The following KHDRBS2 variants were observed in gnomAD, a reference collection of about 807,000 sequenced individuals.
KHDRBS2 encodes the protein KH domain-containing, RNA-binding, signal transduction-associated protein 2.
A neutral mutation model predicts 44.3 loss-of-function variants in KHDRBS2; 26 were observed. The ratio of observed to expected loss-of-function variants is 0.59; its 90% CI spans 0.43 to 0.81. The LOEUF is 0.81. KHDRBS2 is among the 40% of genes least tolerant of loss of function. The pLI, the probability that KHDRBS2 is intolerant of heterozygous loss-of-function variation, is 0.00. For synonymous variants in KHDRBS2, 194 were observed against 151.1 expected, an observed-to-expected ratio of 1.28 and a Z score of -2.08; for missense variants, 476 against 433.1, an observed-to-expected ratio of 1.10 and a Z score of -0.88.
At chr6:61,782,504 A>G (rs1307771029) in intron 6 of KHDRBS2, among the ~76,000 whole-genome samples, 2 of 151,854 alleles carry the variant, frequency 1.3e-5, no homozygotes, top group Non-Finnish European at 2.9e-5. Context: ...CTAAATCTCA[A>G]TAAACGATCA....
At chr6:61,937,386 T>C (rs376583995) in intron 4 of KHDRBS2, among the ~76,000 whole-genome samples, 1 of 152,090 alleles carries the variant, frequency 6.6e-6, no homozygotes, top group African/African-American at 2.4e-5. Flanking sequence ...TTCTTGTACA[T>C]AGAAGATACT....
chr6:61,887,593 G>C (rs1193338553), intron 6 of KHDRBS2, among the ~76,000 whole-genome samples: 1 of 152,154 alleles, frequency 6.6e-6, no homozygotes, highest in African/African-American at 2.4e-5. Flanking sequence ...GCAAGGAGTG[G>C]ATTTGATTAC....
intron 4 of KHDRBS2, among the ~76,000 whole-genome samples, chr6:61,915,564 A>G (rs1417694662): frequency 6.6e-6 from 1 of 152,038 alleles, no homozygotes; most frequent in Non-Finnish European, 1.5e-5. Context: ...CCGAATGCCT[A>G]TTTATATAAT....
chr6:61,581,541 T>TACAATATACAATACACAATATACA, the KHDRBS2 span, among the ~76,000 whole-genome samples: 4 of 147,110 alleles, frequency 2.7e-5, no homozygotes, highest in Admixed American at 1.4e-4. Context: ...TAATATAATA[T>TACAATATACAATACACAATATACA]ACAATATACA....
chr6:61,932,161 G>C (rs1318332904), intron 4 of KHDRBS2, among the ~76,000 whole-genome samples: 1 of 152,132 alleles, frequency 6.6e-6, no homozygotes, highest in South Asian at 2.1e-4. Flanking sequence ...ATTTTCGACT[G>C]TGCAGGAAGT....
chr6:62,169,613 C>T (rs1336586488), intron 2 of KHDRBS2, among the ~76,000 whole-genome samples: 1 of 152,040 alleles, frequency 6.6e-6, no homozygotes, highest in Non-Finnish European at 1.5e-5. Flanking sequence ...ACAGGAGAAG[C>T]TCCCCATATG....
chr6:62,088,805 T>C (rs563669951), intron 2 of KHDRBS2, among the ~76,000 whole-genome samples: 1 of 152,290 alleles, frequency 6.6e-6, no homozygotes, highest in South Asian at 2.1e-4. Flanking sequence ...TTAAGTCTGC[T>C]GAAGCTGCGA....
chr6:62,226,217 A>T (rs1831791999), intron 1 of KHDRBS2, among the ~76,000 whole-genome samples: 1 of 152,156 alleles, frequency 6.6e-6, no homozygotes, highest in African/African-American at 2.4e-5. Context: ...TTGAGTTTTT[A>T]ATAATCGCCA....
At chr6:61,979,626 G>A (rs1048108287) in intron 3 of KHDRBS2, among the ~76,000 whole-genome samples, 3 of 152,092 alleles carry the variant, frequency 2.0e-5, no homozygotes, top group Non-Finnish European at 4.4e-5. Flanking sequence ...GCACCTTGCA[G>A]CCTGGAAATC....
intron 6 of KHDRBS2, among the ~76,000 whole-genome samples, chr6:61,764,390 T>C (rs1779699742): frequency 6.6e-6 from 1 of 152,170 alleles, no homozygotes; most frequent in Non-Finnish European, 1.5e-5. Context: ...TAGTTCTAGG[T>C]ATCTGAGGAA....
chr6:61,658,465 T>C, the KHDRBS2 span, among the ~76,000 whole-genome samples: 1 of 151,918 alleles, frequency 6.6e-6, no homozygotes, highest in Non-Finnish European at 1.5e-5. Flanking sequence ...TAAAGCCATG[T>C]TTTTATATCC....
intron 2 of KHDRBS2, among the ~76,000 whole-genome samples, chr6:62,176,951 T>C (rs1452308756): frequency 2.6e-5 from 4 of 151,354 alleles, no homozygotes; most frequent in Non-Finnish European, 4.4e-5. Context: ...GATTAAAATA[T>C]CTGATTATGC....
intron 2 of KHDRBS2, among the ~76,000 whole-genome samples, chr6:62,101,747 G>T (rs754341101): frequency 1.3e-5 from 2 of 152,196 alleles, no homozygotes; most frequent in Non-Finnish European, 2.9e-5. Flanking sequence ...TTCAGTTTTG[G>T]AGATAGATAT....
At chr6:62,032,120 C>T (rs557287301) in intron 3 of KHDRBS2, among the ~76,000 whole-genome samples, 60 of 152,008 alleles carry the variant, frequency 3.9e-4, no homozygotes, top group Admixed American at 5.9e-4. Flanking sequence ...CTCCTGGATC[C>T]GGTCCAAGAC....
rs528325392 is a variant in KHDRBS2, at chr6:62,108,166, A to C, written c.220-60172T>G. Among the ~76,000 whole-genome samples the C allele has an allele frequency of 1.5e-3, 234 of 152,196 alleles. 1 individual carries two copies. The highest frequency in any genetic ancestry group is 4.5e-3 in the African/African-American group (186 of 41,534). On this transcript the variant is annotated intron_variant, in intron 2 of 8. Transcript: ENST00000281156. ...ATCAGAGTGAACAGGCAACCTACAA[A>C]ATGGGAGAAAATTTTCGCAACCTAC...
chr6:62,060,279 G>C (rs1430822950), intron 2 of KHDRBS2, among the ~76,000 whole-genome samples: 9 of 151,780 alleles, frequency 5.9e-5, no homozygotes, highest in African/African-American at 4.8e-5. Context: ...GGTTTGAATT[G>C]AGGGATGGGC....
At chr6:62,171,505 T>A (rs1449631025) in intron 2 of KHDRBS2, among the ~76,000 whole-genome samples, 1 of 152,020 alleles carries the variant, frequency 6.6e-6, no homozygotes, top group Admixed American at 6.6e-5. Context: ...ACTTGGAAAA[T>A]GTATTTGAGG....
At chr6:62,077,333 A>T (rs1796543630) in intron 2 of KHDRBS2, among the ~76,000 whole-genome samples, 1 of 151,936 alleles carries the variant, frequency 6.6e-6, no homozygotes, top group South Asian at 2.1e-4. Flanking sequence ...CCTTATGGGG[A>T]TGGGAGGGAA....
intron 5 of KHDRBS2, among the ~76,000 whole-genome samples, chr6:61,899,792 C>G (rs1343808828): frequency 7.2e-6 from 1 of 139,774 alleles, no homozygotes; most frequent in Non-Finnish European, 1.5e-5. Context: ...CTCTAGGCAT[C>G]CTAAATTTAT....
Sources: gnomAD v4.1 joint callset for allele counts (sites outside exome capture counted in the v4.1 genomes callset) on GRCh38, gnomAD v4.1.1 for gene constraint, MANE v1.5 for transcripts, NCBI Gene and HGNC (gene_info 2026-07-23, HGNC 2026-07-21) for gene names.